Variants in CASZ1 observed in about 807,000 individuals in gnomAD.
The protein encoded by CASZ1 is zinc finger protein castor homolog 1.
In CASZ1, 28 loss-of-function variants were observed where a neutral mutation model predicts 135.2. The observed-to-expected ratio is 0.21, with a 90% CI of 0.15 to 0.28. The LOEUF (loss-of-function observed/expected upper bound fraction) is 0.28. CASZ1 is among the 10% of genes least tolerant of loss of function. The pLI is 1.00. For missense variants in CASZ1, 2,161 were observed against 2,453.3 expected, an observed-to-expected ratio of 0.88 and a Z score of 2.52; for synonymous variants, 1,068 against 1,073.4, an observed-to-expected ratio of 0.99 and a Z score of 0.10.
Position 10,639,428 on chromosome 1 carries a change from C to G in CASZ1, c.4794G>C (p.Gln1598His), listed in dbSNP as rs765145459. 1.3e-5 allele frequency: 20 copies of G among 1,573,426 alleles called. No homozygotes were observed. The highest frequency in any genetic ancestry group is 1.7e-4 in the Middle Eastern group (1 of 6,008). ...CCTCTGCCGCGGGCTCGCCGCGCTCCTGCTTCTCGTGCTTGCGCTTGTGCG... is the reference window on the plus strand; with the variant it reads ...CCTCTGCCGCGGGCTCGCCGCGCTCGTGCTTCTCGTGCTTGCGCTTGTGCG... Reference protein sequence around the residue: ...MDSHKRKHEKQERGEPAAEGP... With the variant: ...MDSHKRKHEKHERGEPAAEGP... Residue 1598 changes from glutamine (Q) to histidine (H), a missense_variant, in exon 21 of 21, where the codon CAG becomes CAC. Transcript: ENST00000377022. This position sits in a 1 kb window ranked among gnomAD's most constrained non-coding sequence, Gnocchi z 4.0.
In CASZ1 at chr1:10,638,264, A is replaced by G. The variant is rs1275126079; in HGVS notation, c.*678T>C. 6.6e-6 allele frequency: 1 copy of G among 152,234 alleles called. No homozygotes were observed. Among genetic ancestry groups the G allele is most frequent in the Non-Finnish European group, 1.5e-5 (1 of 68,012 alleles). 9.4% of individuals were successfully genotyped at this position (152,234 alleles called of 1,614,324 possible). On this transcript the variant is annotated 3_prime_UTR_variant, in exon 21 of 21. Coordinates refer to ENST00000377022, the MANE Select transcript of CASZ1 (RefSeq NM_001079843.3). The surrounding 1 kb of genome is among the most constrained non-coding windows in gnomAD (Gnocchi z 5.9). ...TGGCCGAGACCCCGCCCCGGCCCCC[A>G]GCGGGCTACTCTGGGTTTTGGACGC...
chr1:10,722,533 A>G (rs1366236480), intron 2 of CASZ1, among the ~76,000 whole-genome samples: 1 of 152,192 alleles, frequency 6.6e-6, no homozygotes, highest in Non-Finnish European at 1.5e-5. Context: ...GGCTTCTTCT[A>G]TCTTCCTATC....
intron 2 of CASZ1, among the ~76,000 whole-genome samples, chr1:10,731,447 T>C (rs116381401): frequency 3.0e-3 from 459 of 151,880 alleles, no homozygotes; most frequent in African/African-American, 0.01. Flanking sequence ...TAGCCAGGCA[T>C]TGTGGCATGC....
At chr1:10,763,063 C>A (rs1401219087) in intron 1 of CASZ1, among the ~76,000 whole-genome samples, 1 of 152,234 alleles carries the variant, frequency 6.6e-6, no homozygotes, top group African/African-American at 2.4e-5. Flanking sequence ...TCCAAGCCTG[C>A]CAGGGCGTGG....
Position 10,654,128 on chromosome 1 carries a change from G to A in CASZ1, c.1929C>T (p.Asp643=), listed in dbSNP as rs377121758. 1.1e-4 allele frequency: 178 copies of A among 1,614,114 alleles called. No individual in the cohort carries two copies. Among genetic ancestry groups the A allele is most frequent in the Admixed American group, 2.5e-4 (15 of 60,014 alleles). Residue 643 remains aspartate (D), a synonymous_variant, in exon 11 of 21, where the codon GAC becomes GAT. Coordinates refer to ENST00000377022, the MANE Select transcript of CASZ1 (RefSeq NM_001079843.3). ...YHIKDDAYAK[D]GFKKFYKYEE... ...CGTACTTGTAGAACTTCTTGAAGCC[G>A]TCCTTGGCGTAGGCATCGTCCTTGA...
chr1:10,729,490 T>C (rs1639664008), intron 2 of CASZ1, among the ~76,000 whole-genome samples: 1 of 151,730 alleles, frequency 6.6e-6, no homozygotes, highest in African/African-American at 2.4e-5. Flanking sequence ...AGTTGCTGAG[T>C]GGCAGTCCAC....
rs1443024550 is a variant in CASZ1, at chr1:10,700,078, G to GACACAC, written c.-24+5413_-24+5414insGTGTGT. Among the ~76,000 whole-genome samples the GACACAC allele has an allele frequency of 0.017, 1,288 of 74,142 alleles. 25 individuals are homozygous for GACACAC. Among genetic ancestry groups the GACACAC allele is most frequent in the African/African-American group, 0.071 (1,219 of 17,162 alleles). 48.6% of individuals were successfully genotyped at this position (74,142 alleles called of 152,430 possible). On this transcript the variant is annotated intron_variant, in intron 3 of 20. Coordinates refer to ENST00000377022, the MANE Select transcript of CASZ1 (RefSeq NM_001079843.3). The surrounding 1 kb of genome is among the most constrained non-coding windows in gnomAD (Gnocchi z 4.2). ...AGAGACAGAGAGAGAAAGAGAGATA[G>GACACAC]AGACACACACACACACACACACACA...
intron 5 of CASZ1, among the ~76,000 whole-genome samples, chr1:10,664,224 G>A (rs970364313): frequency 6.6e-6 from 1 of 152,110 alleles, no homozygotes; most frequent in Admixed American, 6.5e-5. Flanking sequence ...CTAGGGGAGC[G>A]GGCAGGGGAG....
At chr1:10,738,542 G>A (rs1305395063) in intron 2 of CASZ1, among the ~76,000 whole-genome samples, 2 of 152,250 alleles carry the variant, frequency 1.3e-5, no homozygotes, top group Non-Finnish European at 2.9e-5. Flanking sequence ...GATCCTGCCC[G>A]CACAAGGAGG....
In CASZ1 at chr1:10,777,850, C is replaced by G. The variant is rs370792807; in HGVS notation, c.-233-16993G>C. ...ACAACCACACACAATCTCACACACTCTCATATACAATGACTCACGATCTCA... is the reference window on the plus strand; with the variant it reads ...ACAACCACACACAATCTCACACACTGTCATATACAATGACTCACGATCTCA... On this transcript the variant is annotated intron_variant, in intron 1 of 20. Coordinates refer to ENST00000377022, the MANE Select transcript of CASZ1 (RefSeq NM_001079843.3). The surrounding 1 kb of genome is among the most constrained non-coding windows in gnomAD (Gnocchi z 4.4). Among the ~76,000 whole-genome samples the G allele has an allele frequency of 4.1e-4, 62 of 151,880 alleles. 2 individuals carry two copies. In the East Asian group the frequency reaches 0.01, roughly 25 times the overall value.
intron 3 of CASZ1, among the ~76,000 whole-genome samples, chr1:10,702,808 G>A (rs1639090504): frequency 6.6e-6 from 1 of 152,202 alleles, no homozygotes; most frequent in African/African-American, 2.4e-5. Flanking sequence ...ACTGCAAACT[G>A]TCCATTATGG....
chr1:10,781,293 G>A (rs1411428450), intron 1 of CASZ1, among the ~76,000 whole-genome samples: 1 of 152,230 alleles, frequency 6.6e-6, no homozygotes, highest in African/African-American at 2.4e-5. Flanking sequence ...AGATCCCTGG[G>A]TTTGTGCCTT....
rs771508938 is a variant in CASZ1 at position 10,647,895 on chromosome 1, A to G, written c.3403T>C (p.Ser1135Pro). The stretch of plus-strand genomic sequence containing the variant: ...GGCGAGGCGGGCAGGTGAGGCACTG[A>G]CGCTGGGATCTGAGGCATCTGGGGT... ...TIPQMPQIPA[S>P]VPHLPASPLA... Residue 1135 changes from serine (S) to proline (P), a missense_variant, in exon 16 of 21, where the codon TCA (serine) becomes CCA (proline). By Grantham distance (74) the Ser-to-Pro change is moderately conservative (BLOSUM62 -1). This residue lies in a region of CASZ1 where 349 missense variants were observed against 460.8 expected (regional missense o/e 0.76). Transcript: ENST00000377022. The surrounding 1 kb of genome is among the most constrained non-coding windows in gnomAD (Gnocchi z 4.9). 5.6e-6 allele frequency: 9 copies of G among 1,613,678 alleles called. No individual in the cohort carries two copies. The Admixed American group carries it at 1.5e-4, about 27-fold the overall frequency.
Position 10,679,775 on chromosome 1 carries a change from G to A in CASZ1, c.16+14099C>T, listed in dbSNP as rs1203794686. On this transcript the variant is annotated intron_variant, in intron 4 of 20. Coordinates refer to ENST00000377022, the MANE Select transcript of CASZ1 (RefSeq NM_001079843.3). This position sits in a 1 kb window ranked among gnomAD's most constrained non-coding sequence, Gnocchi z 4.7. ...AACCCCGAGTGTCACCACAGGGTCCGGCCCAACCTGGGCTCCAGCTGATTA... is the reference window on the plus strand; with the variant it reads ...AACCCCGAGTGTCACCACAGGGTCCAGCCCAACCTGGGCTCCAGCTGATTA... Among the ~76,000 whole-genome samples the A allele has an allele frequency of 2.0e-5, 3 of 152,190 alleles. No homozygotes were observed. The highest frequency in any genetic ancestry group is 4.8e-5 in the African/African-American group (2 of 41,440).
At position 10,701,263 on chromosome 1, in the gene CASZ1, C is replaced by T. The variant is rs1402682125; in HGVS notation, c.-24+4229G>A. ...GGTCCCTGGAGAGGAGGCTGCCCAC[C>T]GTGGCAGCCGGGTTCCCGTGCGCAC... is the stretch of plus-strand genomic sequence containing the variant. On this transcript the variant is annotated intron_variant, in intron 3 of 20. Coordinates refer to ENST00000377022, the MANE Select transcript of CASZ1 (RefSeq NM_001079843.3). This position sits in a 1 kb window ranked among gnomAD's most constrained non-coding sequence, Gnocchi z 6.3. Among the ~76,000 whole-genome samples, 3 of 152,136 alleles carry T rather than the reference C, an allele frequency of 2.0e-5. No homozygotes were observed. Among genetic ancestry groups the T allele is most frequent in the South Asian group, 2.1e-4 (1 of 4,824 alleles).
Position 10,774,619 on chromosome 1 carries a change from A to G in CASZ1, c.-233-13762T>C, listed in dbSNP as rs978862032. Among the ~76,000 whole-genome samples the G allele has an allele frequency of 6.6e-6, 1 of 152,086 alleles. No individual in the cohort carries two copies. The highest frequency in any genetic ancestry group is 1.5e-5 in the Non-Finnish European group (1 of 68,014). On this transcript the variant is annotated intron_variant, in intron 1 of 20. Transcript: ENST00000377022. The surrounding 1 kb of genome is among the most constrained non-coding windows in gnomAD (Gnocchi z 4.4). ...TGGAGCATTTTTCTGCTCTATTAAC[A>G]ACCACACAGAGCTCTGGCCCCACTG...
In CASZ1 at chr1:10,644,938, G is replaced by T. The variant is rs753155962; in HGVS notation, c.3847C>A (p.Arg1283Ser). The T allele has an allele frequency of 3.7e-6, 6 of 1,613,572 alleles. No individual in the cohort carries two copies. The highest frequency in any genetic ancestry group is 2.7e-5 in the African/African-American group (2 of 74,942). ...AANGFKYFTKREECGRLGCKY... is the reference protein window; with the variant it reads ...AANGFKYFTKSEECGRLGCKY... ...GTACCTAGCCTGCCACACTCCTCGC[G>T]CTTGGTGAAGTATTTGAAGCCATTG... is the stretch of plus-strand genomic sequence containing the variant. The change falls in exon 18 of 21, where the codon CGC (arginine) becomes AGC (serine). Residue 1283 changes from arginine (R) to serine (S), a missense_variant. By Grantham distance (110) the Arg-to-Ser change is moderately radical (BLOSUM62 -1). This residue lies in a region of CASZ1 where 349 missense variants were observed against 460.8 expected (regional missense o/e 0.76). Coordinates refer to ENST00000377022, the MANE Select transcript of CASZ1 (RefSeq NM_001079843.3).
At chr1:10,662,931 G>C (rs1046058540) in intron 5 of CASZ1, among the ~76,000 whole-genome samples, 3 of 152,122 alleles carry the variant, frequency 2.0e-5, no homozygotes, top group Non-Finnish European at 4.4e-5. Context: ...CACCTCTTCC[G>C]CACATGCCCC....
At chr1:10,673,243 T>G (rs1041400459) in intron 4 of CASZ1, among the ~76,000 whole-genome samples, 1 of 152,194 alleles carries the variant, frequency 6.6e-6, no homozygotes, top group South Asian at 2.1e-4. Flanking sequence ...TAAGCCACCC[T>G]GGAGCAGGAT....
Sources: gnomAD v4.1 joint callset for allele counts (sites outside exome capture counted in the v4.1 genomes callset) on GRCh38, gnomAD v4.1.1 for gene constraint, gnomAD v4.1.1 regional missense constraint, Gnocchi (gnomAD v3.1) non-coding constraint, MANE v1.5 for transcripts, NCBI Gene and HGNC (gene_info 2026-07-23, HGNC 2026-07-21) for gene names.